CDH13: variants seen among roughly 807,000 people sequenced by gnomAD.
CDH13 encodes the protein cadherin-13.
In CDH13, 24 loss-of-function variants were observed where a neutral mutation model predicts 63.8. The ratio of observed to expected loss-of-function variants is 0.38; its 90% CI spans 0.27 to 0.53. The LOEUF (loss-of-function observed/expected upper bound fraction) is 0.53, where lower values mean the gene tolerates loss of function less well. Among genes scored for constraint, CDH13 ranks in the 20% least tolerant of loss-of-function variants. CDH13 has a pLI of 0.85. For synonymous variants in CDH13, 503 were observed against 355.3 expected (o/e 1.42, Z -4.67); for missense variants, 1,049 against 903.1 (o/e 1.16, Z -2.07).
chr16:83,333,983 G>T (rs758716785), intron 5 of CDH13, among the ~76,000 whole-genome samples: 4 of 152,046 alleles, frequency 2.6e-5, no homozygotes, highest in African/African-American at 9.7e-5. Context: ...CATGTGTCAG[G>T]GTAAAATCAA....
At chr16:83,526,444 A>G (rs1178401951) in intron 7 of CDH13, among the ~76,000 whole-genome samples, 1 of 152,166 alleles carries the variant, frequency 6.6e-6, no homozygotes, top group African/African-American at 2.4e-5. Context: ...TTAGTTCTTT[A>G]GATTCTCATA....
At chr16:82,627,204 C>A (rs1004378743) in intron 1 of CDH13, 67 bp downstream of exon 1, 29 of 1,432,812 alleles carry the variant, frequency 2.0e-5, no homozygotes, top group Non-Finnish European at 2.5e-5. Flanking sequence ...CCGGCACGGG[C>A]AGGGTGAGGG....
chr16:83,051,334 T>C (rs1027630610), intron 3 of CDH13, among the ~76,000 whole-genome samples: 2 of 152,210 alleles, frequency 1.3e-5, no homozygotes, highest in Admixed American at 1.3e-4. Flanking sequence ...AGGGATGGCA[T>C]AAGTGGGTTG....
chr16:83,125,760 A>G lies in CDH13; in HGVS notation c.483+259A>G, dbSNP rs146022036. 3.5e-4 allele frequency among the ~76,000 whole-genome samples: 53 copies of G among 152,292 alleles called. No individual in the cohort carries two copies. The East Asian group carries it at 8.5e-3, about 24-fold the overall frequency. On this transcript the variant is annotated intron_variant, in intron 4 of 13. Coordinates refer to ENST00000567109, the MANE Select transcript of CDH13 (RefSeq NM_001257.5). ...GTTGAAATTAAGCAGGAAGATGTCA[A>G]TGGTTAAGAAACAAGGCTCATTGCT...
At chr16:83,369,945 CTCCCAT>C (rs1292280948) in intron 6 of CDH13, among the ~76,000 whole-genome samples, 1 of 152,224 alleles carries the variant, frequency 6.6e-6, no homozygotes, top group Non-Finnish European at 1.5e-5. Flanking sequence ...TGTCCCTAGA[CTCCCAT>C]TCCCTGCAGC....
At chr16:83,116,608 GC>G (rs1328119965) in intron 3 of CDH13, among the ~76,000 whole-genome samples, 1 of 152,212 alleles carries the variant, frequency 6.6e-6, no homozygotes, top group African/African-American at 2.4e-5. Flanking sequence ...AACATATACA[GC>G]CAGTGGCTGT....
chr16:83,279,505 G>A (rs899627937), intron 5 of CDH13, among the ~76,000 whole-genome samples: 10 of 152,220 alleles, frequency 6.6e-5, no homozygotes, highest in Non-Finnish European at 8.8e-5. Flanking sequence ...CATATCTGCC[G>A]CATTCTGGAA....
At chr16:82,960,800 C>T (rs1183783905) in intron 2 of CDH13, among the ~76,000 whole-genome samples, 1 of 151,734 alleles carries the variant, frequency 6.6e-6, no homozygotes, top group East Asian at 1.9e-4. Flanking sequence ...GTAGCAAGGT[C>T]GTAATTTTTT....
At chr16:82,721,466 T>C (rs1006871881) in intron 1 of CDH13, among the ~76,000 whole-genome samples, 3 of 152,028 alleles carry the variant, frequency 2.0e-5, no homozygotes, top group African/African-American at 7.2e-5. Context: ...AGGATAGGTA[T>C]GGGCACATGG....
At chr16:83,080,886 T>TG (rs1248494976) in intron 3 of CDH13, among the ~76,000 whole-genome samples, 2,964 of 117,372 alleles carry the variant, frequency 0.025, 80 homozygotes, top group Non-Finnish European at 0.037. Flanking sequence ...TTTTTTTTTT[T>TG]TTTTTTTTTT....
chr16:83,617,577 A>T (rs935689316), intron 8 of CDH13, among the ~76,000 whole-genome samples: 3 of 151,366 alleles, frequency 2.0e-5, no homozygotes, highest in Non-Finnish European at 4.4e-5. Context: ...CACATATTCA[A>T]TTCTAATATA....
intron 1 of CDH13, chr16:82,773,568 T>A (rs1424387215): frequency 6.6e-6 from 1 of 152,248 alleles, no homozygotes; most frequent in African/African-American, 2.4e-5. Flanking sequence ...TGTTTTATCC[T>A]GTAACAGTAC....
intron 4 of CDH13, among the ~76,000 whole-genome samples, chr16:83,209,310 G>C (rs75338070): frequency 2.1e-3 from 318 of 152,308 alleles, no homozygotes; most frequent in Non-Finnish European, 3.4e-3. Context: ...CAGGGGTTCA[G>C]ATGTTCCTCA....
chr16:82,677,093 A>G (rs1260029963), intron 1 of CDH13, among the ~76,000 whole-genome samples: 1 of 152,226 alleles, frequency 6.6e-6, no homozygotes, highest in Non-Finnish European at 1.5e-5. Context: ...CATGTTGGCC[A>G]GGATGATCTT....
chr16:83,331,596 A>T (rs1054290674), intron 5 of CDH13, among the ~76,000 whole-genome samples: 1 of 152,242 alleles, frequency 6.6e-6, no homozygotes, highest in Non-Finnish European at 1.5e-5. Context: ...AAATTAACAC[A>T]TGCCTAGAAA....
intron 4 of CDH13, among the ~76,000 whole-genome samples, chr16:83,135,516 C>G (rs964385606): frequency 2.4e-4 from 36 of 152,210 alleles, no homozygotes; most frequent in African/African-American, 8.7e-4. Flanking sequence ...GTGGTACAAA[C>G]TGAGTTGCCT....
chr16:83,341,544 A>G (rs1378502606), intron 5 of CDH13, among the ~76,000 whole-genome samples: 1 of 152,220 alleles, frequency 6.6e-6, no homozygotes, highest in African/African-American at 2.4e-5. Context: ...ACCTCTGCAT[A>G]AAACACAAAC....
At chr16:83,246,106 C>G (rs1227272230) in intron 5 of CDH13, among the ~76,000 whole-genome samples, 1 of 152,172 alleles carries the variant, frequency 6.6e-6, no homozygotes, top group Non-Finnish European at 1.5e-5. Context: ...TTTATTGTTA[C>G]AGTCAAGATT....
intron 8 of CDH13, among the ~76,000 whole-genome samples, chr16:83,665,882 C>G (rs187692490): frequency 3.3e-5 from 5 of 152,258 alleles, no homozygotes; most frequent in African/African-American, 1.2e-4. Context: ...AATTCAAGTC[C>G]CTCTTCCTAC....
Sources: gnomAD v4.1 joint callset for allele counts (sites outside exome capture counted in the v4.1 genomes callset) on GRCh38, gnomAD v4.1.1 for gene constraint, MANE v1.5 for transcripts, NCBI Gene and HGNC (gene_info 2026-07-23, HGNC 2026-07-21) for gene names.